The following NBR1 variants were observed in gnomAD, a reference collection of about 807,000 sequenced individuals.
The protein encoded by NBR1 is next to BRCA1 gene 1 protein.
In NBR1, 59 loss-of-function variants were observed where a neutral mutation model predicts 115.5. The observed-to-expected ratio is 0.51, with a 90% CI of 0.41 to 0.63. NBR1 has a LOEUF of 0.63. NBR1 is among the 30% of genes least tolerant of loss of function. The pLI, the probability that NBR1 is intolerant of heterozygous loss-of-function variation, is 0.00. For synonymous variants in NBR1, 373 were observed against 414.7 expected (o/e 0.90, Z 1.22); for missense variants, 1,043 against 1,150.5 (o/e 0.91, Z 1.35).
intron 8 of NBR1, chr17:43,190,333 A>C: frequency 2.4e-6 from 1 of 422,910 alleles, no homozygotes. Context: ...TGGCCTCCCA[A>C]AGTGCTGGGA....
In NBR1 at chr17:43,177,941, A is replaced by C; in HGVS notation, c.108A>C (p.Lys36Asn). Reference protein sequence around the residue: ...TTWADIEAMVKVSFDLNTIQI... With the variant: ...TTWADIEAMVNVSFDLNTIQI... ...AATATGTATCTCTTTTATAGGTAAAAGTTTCATTTGATCTGAATACTATTC... is the reference window on the plus strand; with the variant it reads ...AATATGTATCTCTTTTATAGGTAAACGTTTCATTTGATCTGAATACTATTC... Residue 36 changes from lysine to asparagine, a missense_variant, in exon 3 of 21, where the codon AAA (lysine) becomes AAC (asparagine). Lys to Asn is a moderately conservative substitution (Grantham distance 94, BLOSUM62 0). Coordinates refer to ENST00000590996, the MANE Select transcript of NBR1 (RefSeq NM_005899.5). The C allele has an allele frequency of 6.5e-7, 1 of 1,537,830 alleles. No homozygotes were observed. The highest frequency in any genetic ancestry group is 1.4e-5 in the African/African-American group (1 of 73,424).
intron 5 of NBR1, among the ~76,000 whole-genome samples, chr17:43,181,568 A>G (rs2154582009): frequency 6.6e-6 from 1 of 152,212 alleles, no homozygotes; most frequent in East Asian, 1.9e-4. Context: ...TGGGAGGCTG[A>G]GGCAGGAGAA....
intron 20 of NBR1, chr17:43,209,582 T>C: frequency 6.5e-7 from 1 of 1,535,532 alleles, no homozygotes. Flanking sequence ...CTGTCATTCC[T>C]TCATCTGGCC....
intron 4 of NBR1, 52 bp downstream of exon 4, chr17:43,179,464 C>G: frequency 6.7e-7 from 1 of 1,497,398 alleles, no homozygotes; most frequent in South Asian, 1.1e-5. Context: ...TTAATCTGCT[C>G]ATTGAGGCAT....
intron 5 of NBR1, among the ~76,000 whole-genome samples, chr17:43,184,742 C>G (rs2056759672): frequency 6.6e-6 from 1 of 151,902 alleles, no homozygotes; most frequent in Non-Finnish European, 1.5e-5. Flanking sequence ...TTTTGTTAGT[C>G]TAGAATTAAC....
chr17:43,183,779 C>T (rs941347864), intron 5 of NBR1, among the ~76,000 whole-genome samples: 1 of 151,994 alleles, frequency 6.6e-6, no homozygotes, highest in Non-Finnish European at 1.5e-5. Context: ...CATACCTCAG[C>T]CACACTAATA....
chr17:43,176,614 A>G (rs1187326643), intron 2 of NBR1: 1 of 152,090 alleles, frequency 6.6e-6, no homozygotes, highest in African/African-American at 2.4e-5. Flanking sequence ...TCTGCCTTCC[A>G]GCAAATACCT....
At chr17:43,180,648 C>A in intron 4 of NBR1, 147 bp from the exon 5 acceptor site, 1 of 929,184 alleles carries the variant, frequency 1.1e-6, no homozygotes, top group Non-Finnish European at 1.4e-6. Flanking sequence ...TACAGTCCAT[C>A]TTTAGGATTG....
intron 5 of NBR1, among the ~76,000 whole-genome samples, chr17:43,185,074 C>T (rs1019235047): frequency 1.0e-4 from 15 of 146,588 alleles, no homozygotes; most frequent in South Asian, 4.4e-4. Context: ...GGTGACAGAG[C>T]GAGACTCCAC....
At chr17:43,203,857 G>A in intron 20 of NBR1, 71 bp downstream of exon 20, 1 of 921,868 alleles carries the variant, frequency 1.1e-6, no homozygotes, top group African/African-American at 1.6e-5. Flanking sequence ...CATCTGTCTG[G>A]GTTGAAGAGT....
intron 6 of NBR1, 98 bp downstream of exon 6, chr17:43,186,542 T>C (rs2056807055): frequency 1.8e-6 from 2 of 1,088,156 alleles, no homozygotes; most frequent in South Asian, 2.2e-5. Context: ...TATTATACTT[T>C]AAGTTCTGAG....
intron 5 of NBR1, among the ~76,000 whole-genome samples, chr17:43,184,342 A>G (rs1312040212): frequency 7.3e-6 from 1 of 137,512 alleles, no homozygotes; most frequent in African/African-American, 2.6e-5. Flanking sequence ...TACAGGCATG[A>G]CCCACCTCTC....
chr17:43,180,389 CTA>C (rs1379765413), intron 4 of NBR1, among the ~76,000 whole-genome samples: 1 of 152,118 alleles, frequency 6.6e-6, no homozygotes, highest in Non-Finnish European at 1.5e-5. Flanking sequence ...ATTTGCATAT[CTA>C]AACATAGAAA....
At position 43,186,344 on chromosome 17, in the gene NBR1, G is replaced by A. The variant is rs1309622220; in HGVS notation, c.302G>A (p.Arg101Gln). 3 of 1,598,440 alleles carry A rather than the reference G, an allele frequency of 1.9e-6. No individual in the cohort carries two copies. Among genetic ancestry groups the A allele is most frequent in the Non-Finnish European group, 2.6e-6 (3 of 1,172,640 alleles). The change falls in exon 6 of 21, where the codon CGA (arginine) becomes CAA (glutamine). Residue 101 changes from arginine (R) to glutamine (Q), a missense_variant. By Grantham distance (43) the Arg-to-Gln change is conservative (BLOSUM62 1). Transcript: ENST00000590996. ...EAPPPVVGAK[R>Q]LAARAGKKPL... ...CCACCCCCAGTTGTAGGAGCAAAAC[G>A]ACTAGCTGCCAGGGCAGGGAAGAAG...
intron 3 of NBR1, among the ~76,000 whole-genome samples, chr17:43,178,795 G>T (rs545226482): frequency 1.4e-5 from 2 of 146,528 alleles, no homozygotes; most frequent in African/African-American, 5.1e-5. Flanking sequence ...TTTAAAGAGG[G>T]TCTCACTCTG....
intron 3 of NBR1, among the ~76,000 whole-genome samples, chr17:43,178,958 T>G (rs1019528692): frequency 3.3e-4 from 50 of 152,222 alleles, no homozygotes; most frequent in African/African-American, 1.2e-3. Flanking sequence ...AATCTCACTT[T>G]GTTGCTCAGG....
chr17:43,203,300 A>T (rs2057243928), intron 19 of NBR1, among the ~76,000 whole-genome samples: 1 of 152,170 alleles, frequency 6.6e-6, no homozygotes. Flanking sequence ...CTCTGCTTCC[A>T]CTCATATTAG....
chr17:43,180,977 T>G (rs1567847853), intron 5 of NBR1, among the ~76,000 whole-genome samples, 160 bp downstream of exon 5: 2 of 152,112 alleles, frequency 1.3e-5, no homozygotes, highest in East Asian at 3.8e-4. Context: ...GCTTAAGTGA[T>G]CCTCCCACCT....
chr17:43,210,145 T>G lies in NBR1; in HGVS notation c.*71T>G. 1 of 1,428,862 alleles carries G rather than the reference T, an allele frequency of 7.0e-7. No individual in the cohort carries two copies. The highest frequency in any genetic ancestry group is 1.4e-5 in the South Asian group (1 of 71,612). 88.5% of individuals were successfully genotyped at this position (1,428,862 alleles called of 1,614,324 possible). ...TTTATTCTGTCATTGGGGTATGGGA[T>G]AGAAGCCCTTGCTTATTTTTAATCT... On this transcript the variant is annotated 3_prime_UTR_variant, in exon 21 of 21. Transcript: ENST00000590996.
Sources: allele counts gnomAD v4.1 joint callset (sites outside exome capture counted in the v4.1 genomes callset), GRCh38; gene constraint gnomAD v4.1.1; transcripts MANE v1.5; gene names NCBI Gene and HGNC (gene_info 2026-07-23, HGNC 2026-07-21).